Variants in GRM5 observed in about 807,000 individuals in gnomAD.
GRM5 encodes metabotropic glutamate receptor 5.
GRM5 carries 19 observed loss-of-function variants against 83.1 expected under a neutral mutation model. The ratio of observed to expected loss-of-function variants is 0.23; its 90% CI spans 0.16 to 0.34. GRM5 has a LOEUF of 0.34. Ranked by LOEUF, GRM5 falls within the 10% of genes least tolerant of loss-of-function variation. The pLI, the probability that GRM5 is intolerant of heterozygous loss-of-function variation, is 1.00. For missense variants in GRM5, 1,160 were observed against 1,588.3 expected, an observed-to-expected ratio of 0.73 and a Z score of 4.58; for synonymous variants, 675 against 633.6, an observed-to-expected ratio of 1.07 and a Z score of -0.98.
chr11:88,702,998 C>G (rs570367196), intron 3 of GRM5, among the ~76,000 whole-genome samples: 2 of 152,154 alleles, frequency 1.3e-5, no homozygotes, highest in East Asian at 3.9e-4. Context: ...GTTAGGTCAG[C>G]CTAGCAAACT....
chr11:88,710,456 A>T (rs1300021274), intron 3 of GRM5, among the ~76,000 whole-genome samples: 1 of 152,106 alleles, frequency 6.6e-6, no homozygotes, highest in Non-Finnish European at 1.5e-5. Context: ...GGATTAAATC[A>T]TGGTACTGTC....
intron 2 of GRM5, among the ~76,000 whole-genome samples, chr11:88,871,689 C>T (rs540176246): frequency 4.6e-5 from 7 of 151,566 alleles, no homozygotes; most frequent in South Asian, 4.1e-4. Context: ...AAGGAAGACC[C>T]TAGCATATTA....
chr11:88,803,977 C>A (rs1943450427), intron 3 of GRM5, among the ~76,000 whole-genome samples: 1 of 151,136 alleles, frequency 6.6e-6, no homozygotes, highest in Non-Finnish European at 1.5e-5. Flanking sequence ...AAATCAAAAC[C>A]ACAATGAGAT....
At chr11:88,991,721 T>G (rs527344591) in intron 2 of GRM5, among the ~76,000 whole-genome samples, 4,963 of 151,746 alleles carry the variant, frequency 0.033, 251 homozygotes, top group African/African-American at 0.11. Flanking sequence ...TATCTACAAC[T>G]ATGTGATCTT....
intron 3 of GRM5, among the ~76,000 whole-genome samples, chr11:88,843,549 C>T (rs1173171528): frequency 2.6e-5 from 4 of 152,098 alleles, no homozygotes; most frequent in Non-Finnish European, 5.9e-5. Context: ...CTCAGGCCTC[C>T]CTAACCCTAG....
At chr11:88,897,369 A>G (rs543508268) in intron 2 of GRM5, among the ~76,000 whole-genome samples, 2 of 152,056 alleles carry the variant, frequency 1.3e-5, no homozygotes, top group African/African-American at 4.8e-5. Flanking sequence ...TCCTGGGCCC[A>G]CAGCAGACAC....
chr11:88,783,182 T>A (rs1441197784), intron 3 of GRM5, among the ~76,000 whole-genome samples: 2 of 152,076 alleles, frequency 1.3e-5, no homozygotes, highest in African/African-American at 4.8e-5. Flanking sequence ...ATCTTAGGGG[T>A]TTAACTATCC....
intron 4 of GRM5, among the ~76,000 whole-genome samples, chr11:88,646,245 T>C (rs1360370615): frequency 6.6e-6 from 1 of 152,088 alleles, no homozygotes; most frequent in Non-Finnish European, 1.5e-5. Context: ...TAATTATTTG[T>C]AGCTTACTTT....
intron 3 of GRM5, among the ~76,000 whole-genome samples, chr11:88,770,551 T>G (rs1282654800): frequency 6.6e-6 from 1 of 152,146 alleles, no homozygotes; most frequent in Non-Finnish European, 1.5e-5. Flanking sequence ...ATGTTGCTTT[T>G]GGTTAATTGA....
At chr11:88,681,817 C>T (rs1230769017) in intron 3 of GRM5, among the ~76,000 whole-genome samples, 2 of 151,880 alleles carry the variant, frequency 1.3e-5, no homozygotes, top group Non-Finnish European at 2.9e-5. Context: ...GATCCACCCA[C>T]CTCAGCCTCC....
At chr11:88,894,625 A>G (rs867163771) in intron 2 of GRM5, among the ~76,000 whole-genome samples, 2 of 151,826 alleles carry the variant, frequency 1.3e-5, no homozygotes, top group Non-Finnish European at 2.9e-5. Flanking sequence ...CTTGGAACTT[A>G]ATGGCAGAAT....
chr11:89,052,199 G>A (rs1941775921), intron 1 of GRM5, among the ~76,000 whole-genome samples: 1 of 152,212 alleles, frequency 6.6e-6, no homozygotes, highest in African/African-American at 2.4e-5. Flanking sequence ...AATATGTAAG[G>A]TTGGACTCAG....
intron 3 of GRM5, among the ~76,000 whole-genome samples, chr11:88,742,777 G>C (rs764237098): frequency 6.6e-6 from 1 of 152,092 alleles, no homozygotes; most frequent in African/African-American, 2.4e-5. Context: ...TGTAAGGAAT[G>C]CATTTTTAAC....
intron 8 of GRM5, among the ~76,000 whole-genome samples, chr11:88,540,993 G>A (rs1387965339): frequency 2.6e-5 from 4 of 151,810 alleles, no homozygotes; most frequent in South Asian, 4.1e-4. Context: ...CTTGTGATCC[G>A]CCCGCCTCGG....
chr11:88,741,477 C>A (rs542107246), intron 3 of GRM5, among the ~76,000 whole-genome samples: 15 of 152,196 alleles, frequency 9.9e-5, no homozygotes, highest in African/African-American at 2.6e-4. Context: ...ACAGTTCCAA[C>A]TCAAAAACTG....
intron 3 of GRM5, among the ~76,000 whole-genome samples, chr11:88,751,090 A>AAAAAAAAAAAAAAAAAAAAT (rs1942264086): frequency 2.1e-5 from 3 of 140,352 alleles, no homozygotes; most frequent in Non-Finnish European, 4.8e-5. Flanking sequence ...AAAAAAAAAA[A>AAAAAAAAAAAAAAAAAAAAT]AAAAACAAAG....
chr11:88,519,116 G>C (rs1407520230), intron 9 of GRM5, among the ~76,000 whole-genome samples: 1 of 151,218 alleles, frequency 6.6e-6, no homozygotes, highest in Non-Finnish European at 1.5e-5. Flanking sequence ...ACACATCAAG[G>C]AGGAATGGAC....
intron 3 of GRM5, among the ~76,000 whole-genome samples, chr11:88,833,613 C>T (rs7110830): frequency 0.026 from 4,013 of 152,202 alleles, 181 homozygotes; most frequent in African/African-American, 0.09. Flanking sequence ...AATTCTAATA[C>T]TAGGTATGTA....
intron 2 of GRM5, among the ~76,000 whole-genome samples, chr11:88,864,481 T>C (rs1565266912): frequency 6.6e-6 from 1 of 152,086 alleles, no homozygotes; most frequent in Non-Finnish European, 1.5e-5. Flanking sequence ...TTGTCTATTA[T>C]TGTTGTGTAG....
Sources: allele counts gnomAD v4.1 joint callset (sites outside exome capture counted in the v4.1 genomes callset), GRCh38; gene constraint gnomAD v4.1.1; transcripts MANE v1.5; gene names NCBI Gene and HGNC (gene_info 2026-07-23, HGNC 2026-07-21).